ROR2: variants seen among roughly 807,000 people sequenced by gnomAD.
ROR2 encodes the protein ROR family WNT receptor 2.
Under a neutral mutation model 74.9 loss-of-function variants are expected in ROR2, and 33 were observed. That is an observed-to-expected ratio of 0.44 (90% CI 0.33 to 0.59). The LOEUF is 0.59. Among genes scored for constraint, ROR2 ranks in the 20% least tolerant of loss-of-function variants. The pLI is 0.02. For missense variants in ROR2, 1,216 were observed against 1,313.8 expected (o/e 0.93, Z 1.15); for synonymous variants, 586 against 558.7 (o/e 1.05, Z -0.69).
intron 1 of ROR2, among the ~76,000 whole-genome samples, chr9:91,889,064 T>C (rs1830358484): frequency 6.6e-6 from 1 of 152,300 alleles, no homozygotes; most frequent in Non-Finnish European, 1.5e-5. Flanking sequence ...TGTAATAAAA[T>C]AGAGAGCTGG....
chr9:91,803,321 G>C (rs112871929), intron 1 of ROR2, among the ~76,000 whole-genome samples: 11 of 152,374 alleles, frequency 7.2e-5, no homozygotes, highest in African/African-American at 2.6e-4. Flanking sequence ...CAAAGGCTAT[G>C]TGAATCACTT....
At chr9:91,822,600 AT>A (rs1452911408) in intron 1 of ROR2, among the ~76,000 whole-genome samples, 1 of 152,252 alleles carries the variant, frequency 6.6e-6, no homozygotes, top group Non-Finnish European at 1.5e-5. Context: ...GCAACCTGCC[AT>A]AAAATTCCTG....
At chr9:91,738,890 G>A (rs142465325) in intron 4 of ROR2, among the ~76,000 whole-genome samples, 115 of 152,324 alleles carry the variant, frequency 7.5e-4, no homozygotes, top group African/African-American at 2.6e-3. Context: ...GTTGGAGTTT[G>A]TGCTGAATTA....
chr9:91,775,756 TC>T lies in ROR2; in HGVS notation c.159del (p.Ile54PhefsTer4). 1.2e-6 allele frequency: 2 copies of T among 1,614,076 alleles called. No individual in the cohort carries two copies. The highest frequency in any genetic ancestry group is 1.7e-6 in the Non-Finnish European group (2 of 1,179,992). ...CCCAGCTCACCTTTCAGAGTTGGAA[TC>T]GGGCCGTCCTGCCCATCAAGGGGTC... is the stretch of plus-strand genomic sequence containing the variant. ...PLGPLDGQDGPIPTLKGYFLN... is the reference protein window; with the variant it reads ...PLGPLDGQDGXIPTLKGYFLN... On this transcript the variant is annotated frameshift_variant, in exon 2 of 9. Coordinates refer to ENST00000375708, the MANE Select transcript of ROR2 (RefSeq NM_004560.4). LOFTEE classifies it high-confidence loss of function.
At position 91,823,057 on chromosome 9, in the gene ROR2, G is replaced by C. The variant is rs2119153987; in HGVS notation, c.98-47239C>G. On this transcript the variant is annotated intron_variant, in intron 1 of 8. Coordinates refer to ENST00000375708, the MANE Select transcript of ROR2 (RefSeq NM_004560.4). ...ATGTCACAAAGGTAAGAACAAAAAG[G>C]AAGGGCTATTTTAGATTAAAGAGTC... 3.3e-5 allele frequency among the ~76,000 whole-genome samples: 5 copies of C among 152,292 alleles called. No individual in the cohort carries two copies. In the Middle Eastern group the frequency reaches 0.014, roughly 414 times the overall value.
intron 5 of ROR2, among the ~76,000 whole-genome samples, chr9:91,735,843 C>T (rs1356363140): frequency 1.3e-5 from 2 of 151,896 alleles, no homozygotes; most frequent in Non-Finnish European, 2.9e-5. Context: ...GTCTTGAACT[C>T]CTGACCTCGT....
intron 2 of ROR2, among the ~76,000 whole-genome samples, chr9:91,773,414 C>T (rs1826306669): frequency 6.6e-6 from 1 of 152,174 alleles, no homozygotes; most frequent in Non-Finnish European, 1.5e-5. Flanking sequence ...CCACCCCCGA[C>T]ACCAGACGCC....
intron 1 of ROR2, among the ~76,000 whole-genome samples, chr9:91,788,409 T>C (rs1826865195): frequency 1.3e-5 from 2 of 152,130 alleles, no homozygotes; most frequent in South Asian, 4.1e-4. Flanking sequence ...ACCAGGCACA[T>C]CATAGACTGT....
At chr9:91,791,663 C>T (rs554372071) in intron 1 of ROR2, among the ~76,000 whole-genome samples, 2 of 152,206 alleles carry the variant, frequency 1.3e-5, no homozygotes, top group South Asian at 2.1e-4. Context: ...ACTCCACTTT[C>T]GATAACAGAA....
chr9:91,800,354 A>AAAAG (rs61357928), intron 1 of ROR2, among the ~76,000 whole-genome samples: 6 of 149,390 alleles, frequency 4.0e-5, no homozygotes, highest in African/African-American at 1.5e-4. Context: ...AAAAAAAAAA[A>AAAAG]AGAGAGAGAG....
At chr9:91,812,940 T>C (rs774119558) in intron 1 of ROR2, among the ~76,000 whole-genome samples, 5 of 152,160 alleles carry the variant, frequency 3.3e-5, no homozygotes, top group African/African-American at 4.8e-5. Context: ...TGTACATCTG[T>C]CTCCTTACCG....
intron 1 of ROR2, among the ~76,000 whole-genome samples, chr9:91,947,176 T>A (rs1384986765): frequency 6.6e-6 from 1 of 152,242 alleles, no homozygotes; most frequent in Non-Finnish European, 1.5e-5. Context: ...ACGCACATTT[T>A]AAAAAACCCA....
At chr9:91,869,599 A>G (rs1181146074) in intron 1 of ROR2, among the ~76,000 whole-genome samples, 1 of 152,192 alleles carries the variant, frequency 6.6e-6, no homozygotes, top group Non-Finnish European at 1.5e-5. Context: ...TCCACTATTG[A>G]CATTCTTAAA....
chr9:91,844,155 G>A (rs1587774399), intron 1 of ROR2, among the ~76,000 whole-genome samples: 1 of 152,366 alleles, frequency 6.6e-6, no homozygotes, highest in East Asian at 1.9e-4. Context: ...CTATTTCAGG[G>A]TGGAGGAAAT....
rs79426067 is a variant in ROR2, at chr9:91,847,029, C to G, written c.98-71211G>C. ...CTGCAGACATCACAAGCTGAGGGAA[C>G]AGCACATGCAAAGGCTCACAGACAC... On this transcript the variant is annotated intron_variant, in intron 1 of 8. Transcript: ENST00000375708. Among the ~76,000 whole-genome samples, 1,419 of 152,192 alleles carry G rather than the reference C, an allele frequency of 9.3e-3. 26 individuals carry two copies. Among genetic ancestry groups the G allele is most frequent in the African/African-American group, 0.032 (1,325 of 41,512 alleles).
chr9:91,848,351 CTCTG>C, intron 1 of ROR2, among the ~76,000 whole-genome samples: 1 of 152,154 alleles, frequency 6.6e-6, no homozygotes, highest in Non-Finnish European at 1.5e-5. Flanking sequence ...AGGAGTGGAC[CTCTG>C]TCTGTCCACC....
chr9:91,780,326 G>T (rs140834663), intron 1 of ROR2, among the ~76,000 whole-genome samples: 1 of 150,920 alleles, frequency 6.6e-6, no homozygotes, highest in Admixed American at 6.6e-5. Context: ...GCAGTGAGCC[G>T]AGATCACGCC....
chr9:91,831,480 A>T (rs1828464611), intron 1 of ROR2, among the ~76,000 whole-genome samples: 1 of 151,940 alleles, frequency 6.6e-6, no homozygotes, highest in South Asian at 2.1e-4. Context: ...CCCCTGCAAA[A>T]AAGCAAGTGA....
intron 2 of ROR2, among the ~76,000 whole-genome samples, chr9:91,765,543 T>C (rs1826033721): frequency 6.6e-6 from 1 of 152,250 alleles, no homozygotes. Flanking sequence ...TCCTATAGCA[T>C]GCTGGTAATG....
Sources: allele counts gnomAD v4.1 joint callset (sites outside exome capture counted in the v4.1 genomes callset), GRCh38; gene constraint gnomAD v4.1.1; transcripts MANE v1.5; gene names NCBI Gene and HGNC (gene_info 2026-07-23, HGNC 2026-07-21).